Variants in ARSG observed in about 807,000 individuals in gnomAD.
ARSG encodes arylsulfatase G.
ARSG carries 37 observed loss-of-function variants against 50.5 expected under a neutral mutation model. That is an observed-to-expected ratio of 0.73 (90% CI 0.56 to 0.96). The LOEUF (loss-of-function observed/expected upper bound fraction) is 0.96, where lower values mean the gene tolerates loss of function less well. Ranked by LOEUF, ARSG falls within the 50% of genes least tolerant of loss-of-function variation. The probability of loss-of-function intolerance (pLI) is 0.00; values close to 1 mark genes in which losing one functional copy is unlikely to be tolerated. For missense variants in ARSG, 629 were observed against 675.3 expected (o/e 0.93, Z 0.76); for synonymous variants, 225 against 254.6 (o/e 0.88, Z 1.11).
At chr17:68,262,088 G>A (rs1188489915) in intron 1 of ARSG, among the ~76,000 whole-genome samples, 3 of 151,216 alleles carry the variant, frequency 2.0e-5, no homozygotes, top group African/African-American at 4.9e-5. Flanking sequence ...ACCTGGAGGC[G>A]GAGGTTGCAG....
the ARSG span, among the ~76,000 whole-genome samples, chr17:68,431,118 G>A: frequency 6.6e-6 from 1 of 152,192 alleles, no homozygotes; most frequent in Non-Finnish European, 1.5e-5. Flanking sequence ...ACAAAGAGGT[G>A]TACGATCCAG....
intron 1 of ARSG, among the ~76,000 whole-genome samples, chr17:68,263,263 G>T (rs1555745635): frequency 6.6e-6 from 1 of 152,064 alleles, no homozygotes; most frequent in Non-Finnish European, 1.5e-5. Context: ...ACACTAGGGG[G>T]ACCCAGTTTC....
the ARSG span, among the ~76,000 whole-genome samples, chr17:68,434,161 T>TC: frequency 1.3e-5 from 2 of 152,166 alleles, no homozygotes; most frequent in Non-Finnish European, 2.9e-5. Context: ...CTTGGAATCT[T>TC]CCAGTTGCTC....
At chr17:68,275,838 C>A (rs1353934879) in intron 1 of ARSG, among the ~76,000 whole-genome samples, 1 of 151,754 alleles carries the variant, frequency 6.6e-6, no homozygotes, top group Non-Finnish European at 1.5e-5. Context: ...AAAAAATTAG[C>A]CAGGCGTGGT....
At chr17:68,338,440 A>C (rs939200288) in intron 2 of ARSG, among the ~76,000 whole-genome samples, 1 of 152,112 alleles carries the variant, frequency 6.6e-6, no homozygotes, top group Non-Finnish European at 1.5e-5. Context: ...CCTTCCCTTC[A>C]ACTTTCAAGA....
At chr17:68,397,012 G>A (rs558300516) in intron 10 of ARSG, among the ~76,000 whole-genome samples, 1 of 152,322 alleles carries the variant, frequency 6.6e-6, no homozygotes, top group East Asian at 1.9e-4. Flanking sequence ...AATAATTGGG[G>A]TCATCAGGAA....
intron 11 of ARSG, among the ~76,000 whole-genome samples, chr17:68,403,997 T>C (rs1390825172): frequency 6.6e-6 from 1 of 152,220 alleles, no homozygotes; most frequent in Non-Finnish European, 1.5e-5. Context: ...CTGAGAATGA[T>C]GGTTTCCAGG....
chr17:68,449,189 A>G, the ARSG span, among the ~76,000 whole-genome samples: 1 of 152,254 alleles, frequency 6.6e-6, no homozygotes, highest in South Asian at 2.1e-4. Flanking sequence ...GAATAGATAA[A>G]TCTGCATGGT....
intron 11 of ARSG, among the ~76,000 whole-genome samples, chr17:68,409,408 G>A (rs1288834517): frequency 6.7e-6 from 1 of 149,906 alleles, no homozygotes; most frequent in East Asian, 1.9e-4. Flanking sequence ...TTTTTCTCAG[G>A]TTTGTCAAAG....
At chr17:68,339,605 GTT>G (rs1453918363) in intron 2 of ARSG, among the ~76,000 whole-genome samples, 1 of 152,126 alleles carries the variant, frequency 6.6e-6, no homozygotes, top group Non-Finnish European at 1.5e-5. Context: ...GACTAGACCA[GTT>G]TTCTTGTAGA....
intron 2 of ARSG, among the ~76,000 whole-genome samples, chr17:68,340,013 G>A (rs963851744): frequency 1.3e-5 from 2 of 152,100 alleles, no homozygotes; most frequent in Non-Finnish European, 2.9e-5. Context: ...AGGTGGAGGT[G>A]GGGTTGCAAA....
At chr17:68,421,762 T>C (rs1469515188), downstream of ARSG, 3 of 1,614,074 alleles carry the variant, frequency 1.9e-6, no homozygotes, top group African/African-American at 1.3e-5. Context: ...ATTTCTGAGG[T>C]GTGCTTCTCA....
intron 2 of ARSG, among the ~76,000 whole-genome samples, chr17:68,313,442 G>A (rs1296272991): frequency 2.6e-5 from 4 of 151,922 alleles, no homozygotes; most frequent in Non-Finnish European, 5.9e-5. Flanking sequence ...TCCTATCTCC[G>A]CCTCAGTTGT....
chr17:68,360,365 G>A (rs542449284), intron 6 of ARSG, among the ~76,000 whole-genome samples: 9 of 152,254 alleles, frequency 5.9e-5, no homozygotes, highest in African/African-American at 1.9e-4. Flanking sequence ...TCTGGCCCCT[G>A]CCTCAAGCCC....
At chr17:68,341,260 GT>G (rs2078256086) in intron 2 of ARSG, among the ~76,000 whole-genome samples, 2 of 151,928 alleles carry the variant, frequency 1.3e-5, no homozygotes, top group Admixed American at 6.6e-5. Flanking sequence ...TTTGTTTTTT[GT>G]TTTTTAATTA....
intron 2 of ARSG, among the ~76,000 whole-genome samples, chr17:68,308,166 G>A (rs782020417): frequency 6.6e-6 from 1 of 152,108 alleles, no homozygotes; most frequent in African/African-American, 2.4e-5. Flanking sequence ...ATTAGCTAGC[G>A]GTGGTGGCAC....
At chr17:68,429,980 G>T in the ARSG span, 1 of 1,613,982 alleles carries the variant, frequency 6.2e-7, no homozygotes, top group Non-Finnish European at 8.5e-7. Context: ...TTCAGAGTGG[G>T]TGTCATTGTA....
At chr17:68,439,361 A>G in the ARSG span, among the ~76,000 whole-genome samples, 1 of 152,214 alleles carries the variant, frequency 6.6e-6, no homozygotes, top group Non-Finnish European at 1.5e-5. Context: ...AGGCTATGTG[A>G]AAGAAGTCAG....
rs368663131 is a variant in ARSG at position 68,372,652 on chromosome 17, A to C, written c.982+2128A>C. Among the ~76,000 whole-genome samples, 6 of 152,210 alleles carry C rather than the reference A, an allele frequency of 3.9e-5. No homozygotes were observed. In the East Asian group the frequency reaches 1.2e-3, roughly 29 times the overall value. On this transcript the variant is annotated intron_variant, in intron 8 of 11. Transcript: ENST00000621439. ...CCTTCCACCAGGCCCCTCCTCCAACACTGGGGATTACAATTCGTCATGAGA... is the reference window on the plus strand; with the variant it reads ...CCTTCCACCAGGCCCCTCCTCCAACCCTGGGGATTACAATTCGTCATGAGA...
Sources: allele counts gnomAD v4.1 joint callset (sites outside exome capture counted in the v4.1 genomes callset), GRCh38; gene constraint gnomAD v4.1.1; transcripts MANE v1.5; gene names NCBI Gene and HGNC (gene_info 2026-07-23, HGNC 2026-07-21).